The following CCDC171 variants were observed in gnomAD, a reference collection of about 807,000 sequenced individuals.
CCDC171 encodes coiled-coil domain-containing protein 171.
CCDC171 carries 177 observed loss-of-function variants against 168.2 expected under a neutral mutation model. The ratio of observed to expected loss-of-function variants is 1.05; its 90% CI spans 0.93 to 1.19. The LOEUF is 1.19. Ranked by LOEUF, CCDC171 falls within the 50% of genes most tolerant of loss-of-function variation. The pLI, the probability that CCDC171 is intolerant of heterozygous loss-of-function variation, is 0.00. For synonymous variants in CCDC171, 687 were observed against 540.8 expected (o/e 1.27, Z -3.75); for missense variants, 1,991 against 1,539.0 (o/e 1.29, Z -4.91).
chr9:15,905,027 C>G (rs1471123942), intron 24 of CCDC171, among the ~76,000 whole-genome samples: 1 of 152,072 alleles, frequency 6.6e-6, no homozygotes, highest in Non-Finnish European at 1.5e-5. Context: ...TAAAGCAAGT[C>G]CTTAGAGACC....
chr9:15,575,810 G>C (rs1388532272), intron 3 of CCDC171, among the ~76,000 whole-genome samples: 1 of 152,180 alleles, frequency 6.6e-6, no homozygotes, highest in Non-Finnish European at 1.5e-5. Flanking sequence ...TATAGTTACA[G>C]GATGGGTGCC....
At chr9:15,848,761 T>C in intron 22 of CCDC171, 132 bp from the exon 23 acceptor site, 1 of 471,678 alleles carries the variant, frequency 2.1e-6, no homozygotes, top group Non-Finnish European at 3.8e-6. Flanking sequence ...AAAGTTAAAA[T>C]AAATTAAAAA....
chr9:15,810,228 C>T (rs896220562), intron 21 of CCDC171, among the ~76,000 whole-genome samples: 1 of 152,204 alleles, frequency 6.6e-6, no homozygotes, highest in African/African-American at 2.4e-5. Context: ...GGTGCATCCA[C>T]CAACCCTGAG....
chr9:15,657,309 T>A, intron 8 of CCDC171, 90 bp downstream of exon 8: 1 of 719,662 alleles, frequency 1.4e-6, no homozygotes, highest in Non-Finnish European at 2.4e-6. Flanking sequence ...AGAACGAAGG[T>A]GTGCATTGAG....
intron 6 of CCDC171, among the ~76,000 whole-genome samples, chr9:15,604,222 T>C (rs2043064940): frequency 6.6e-6 from 1 of 152,222 alleles, no homozygotes; most frequent in Admixed American, 6.5e-5. Flanking sequence ...GATGATAGTT[T>C]ATTTTGCTGT....
rs534518708 is a variant in CCDC171 at position 15,923,333 on chromosome 9, G to A, written c.3753+2911G>A. Among the ~76,000 whole-genome samples the A allele has an allele frequency of 5.3e-5, 8 of 151,372 alleles. No individual in the cohort carries two copies. The South Asian group carries it at 6.2e-4, about 12-fold the overall frequency. On this transcript the variant is annotated intron_variant, in intron 25 of 25. Coordinates refer to ENST00000380701, the MANE Select transcript of CCDC171 (RefSeq NM_173550.4). ...ATACTATTCAGTCGTAAAAAAGAAC[G>A]AAATCTTGTCATTTACGACAACATG...
At chr9:15,634,143 T>C (rs2046000447) in intron 7 of CCDC171, among the ~76,000 whole-genome samples, 1 of 152,234 alleles carries the variant, frequency 6.6e-6, no homozygotes, top group Non-Finnish European at 1.5e-5. Flanking sequence ...ACCTGCATAT[T>C]GTGTACATGT....
intron 11 of CCDC171, among the ~76,000 whole-genome samples, chr9:15,706,432 C>T (rs2052242236): frequency 6.6e-6 from 1 of 151,890 alleles, no homozygotes; most frequent in Non-Finnish European, 1.5e-5. Flanking sequence ...GGGACTACAG[C>T]ACATGCCATC....
At chr9:16,070,214 C>T in the CCDC171 span, among the ~76,000 whole-genome samples, 4 of 152,160 alleles carry the variant, frequency 2.6e-5, no homozygotes, top group East Asian at 5.8e-4. Flanking sequence ...ATGAGCCCCT[C>T]GGGGTCCGTG....
At chr9:16,054,228 C>G (rs1357732841) in intron 1 of CCDC171, among the ~76,000 whole-genome samples, 2 of 152,122 alleles carry the variant, frequency 1.3e-5, no homozygotes, top group African/African-American at 4.8e-5. Context: ...GGAAGAACAC[C>G]CTGGTAACCC....
At chr9:15,607,650 A>G (rs1252681091) in intron 6 of CCDC171, among the ~76,000 whole-genome samples, 1 of 151,878 alleles carries the variant, frequency 6.6e-6, no homozygotes, top group African/African-American at 2.4e-5. Context: ...TTTAGTAGAG[A>G]CGGGGTTTCG....
chr9:15,699,665 T>C (rs2051529783), intron 11 of CCDC171, among the ~76,000 whole-genome samples: 1 of 152,018 alleles, frequency 6.6e-6, no homozygotes, highest in Admixed American at 6.5e-5. Flanking sequence ...TGTCGATTGG[T>C]GAATTCACAA....
At chr9:15,553,474 C>T (rs115171752) in intron 1 of CCDC171, 172 bp downstream of exon 1, 8,349 of 152,406 alleles carry the variant, frequency 0.055, 261 homozygotes, top group African/African-American at 0.088. Flanking sequence ...AGGAAGATCT[C>T]CGTGGAGCAT....
At chr9:16,085,721 C>T in the CCDC171 span, among the ~76,000 whole-genome samples, 1 of 152,194 alleles carries the variant, frequency 6.6e-6, no homozygotes, top group African/African-American at 2.4e-5. Flanking sequence ...CAAACATGAA[C>T]ATTATTCCTT....
intron 21 of CCDC171, among the ~76,000 whole-genome samples, chr9:15,823,641 T>G (rs1364256003): frequency 6.6e-6 from 1 of 152,100 alleles, no homozygotes; most frequent in Non-Finnish European, 1.5e-5. Context: ...AGGACGCTGC[T>G]TTATAGAAAA....
chr9:15,898,558 T>C (rs1407348616), intron 24 of CCDC171, among the ~76,000 whole-genome samples: 1 of 152,216 alleles, frequency 6.6e-6, no homozygotes, highest in Non-Finnish European at 1.5e-5. Flanking sequence ...CTTTGCCCGC[T>C]AAATCAGTAT....
chr9:15,881,252 C>T (rs969089516), intron 24 of CCDC171, among the ~76,000 whole-genome samples: 2 of 152,110 alleles, frequency 1.3e-5, no homozygotes, highest in African/African-American at 4.8e-5. Flanking sequence ...CTAAGCAATG[C>T]TAAACAAAAC....
chr9:16,017,323 AT>A (rs1176722319), intron 3 of CCDC171, among the ~76,000 whole-genome samples: 1 of 152,082 alleles, frequency 6.6e-6, no homozygotes, highest in African/African-American at 2.4e-5. Flanking sequence ...TACCATTTTG[AT>A]TTAAAAACTC....
chr9:15,892,584 G>C (rs1292813516), intron 24 of CCDC171, among the ~76,000 whole-genome samples: 1 of 152,044 alleles, frequency 6.6e-6, no homozygotes, highest in Non-Finnish European at 1.5e-5. Context: ...ACCTTCTTAA[G>C]CAACTTCAGC....
Sources: gnomAD v4.1 joint callset for allele counts (sites outside exome capture counted in the v4.1 genomes callset) on GRCh38, gnomAD v4.1.1 for gene constraint, MANE v1.5 for transcripts, NCBI Gene and HGNC (gene_info 2026-07-23, HGNC 2026-07-21) for gene names.